The following HMGXB4 variants were observed in gnomAD, a reference collection of about 807,000 sequenced individuals.
HMGXB4 encodes the protein HMG-box containing 4.
Under a neutral mutation model 63.9 loss-of-function variants are expected in HMGXB4, and 27 were observed. The ratio of observed to expected loss-of-function variants is 0.42; its 90% CI spans 0.31 to 0.58. The LOEUF (loss-of-function observed/expected upper bound fraction) is 0.58, where lower values mean the gene tolerates loss of function less well. Ranked by LOEUF, HMGXB4 falls within the 20% of genes least tolerant of loss-of-function variation. The pLI, the probability that HMGXB4 is intolerant of heterozygous loss-of-function variation, is 0.13. For synonymous variants in HMGXB4, 264 were observed against 265.3 expected (o/e 0.99, Z 0.05); for missense variants, 624 against 700.7 (o/e 0.89, Z 1.24).
the HMGXB4 span, among the ~76,000 whole-genome samples, chr22:35,242,292 C>T: frequency 4.0e-5 from 6 of 151,872 alleles, no homozygotes; most frequent in African/African-American, 1.2e-4. Context: ...AGAATTGATC[C>T]ATTTCATCTA....
chr22:35,263,009 G>C lies in HMGXB4; in HGVS notation c.32-69G>C. The C allele has an allele frequency of 2.1e-5, 29 of 1,411,004 alleles. No individual in the cohort carries two copies. In the South Asian group the frequency reaches 3.4e-4, roughly 16 times the overall value. 87.4% of individuals were successfully genotyped at this position (1,411,004 alleles called of 1,614,324 possible). A position where few individuals can be genotyped will look rare whatever the true frequency, so the allele number is the denominator to read the frequency against. On this transcript the variant is annotated intron_variant, in intron 2 of 10. Transcript: ENST00000216106. The stretch of plus-strand genomic sequence containing the variant: ...AAATAGAGGAACTGTTGCATTACCT[G>C]CATGACGATTTGGTCATTACTTACT...
In HMGXB4 at chr22:35,263,471, C is replaced by G. The variant is rs563074939; in HGVS notation, c.180+245C>G. Among the ~76,000 whole-genome samples, 6 of 152,054 alleles carry G rather than the reference C, an allele frequency of 3.9e-5. No homozygotes were observed. The South Asian group carries it at 1.2e-3, about 32-fold the overall frequency. ...GCCAATTTTTGTATTTTATCAGAGA[C>G]AGGGTTTCACCATGTTGGCCAGGCA... On this transcript the variant is annotated intron_variant, in intron 3 of 10. Coordinates refer to ENST00000216106, the MANE Select transcript of HMGXB4 (RefSeq NM_001003681.3).
intron 1 of HMGXB4, among the ~76,000 whole-genome samples, chr22:35,260,448 T>G (rs1012652326): frequency 2.6e-5 from 4 of 152,208 alleles, no homozygotes; most frequent in African/African-American, 9.6e-5. Flanking sequence ...TCAGCACCAC[T>G]TGGGTGGAAA....
chr22:35,294,323 A>G lies in HMGXB4; in HGVS notation c.*672A>G, dbSNP rs1925118601. 1 of 152,504 alleles carries G rather than the reference A, an allele frequency of 6.6e-6. No homozygotes were observed. Among genetic ancestry groups the G allele is most frequent in the Admixed American group, 6.5e-5 (1 of 15,270 alleles). The allele number at this position is 152,504 out of a possible 1,614,324, so 9.4% of individuals were successfully genotyped here. On this transcript the variant is annotated 3_prime_UTR_variant, in exon 11 of 11. Transcript: ENST00000216106. ...GCCAAGGAGTTCTGTGAGCCCTGGC[A>G]GCAAAAAACACCTTGGGGGGTGAAG... is the stretch of plus-strand genomic sequence containing the variant.
chr22:35,282,735 G>A (rs899735050), intron 5 of HMGXB4, among the ~76,000 whole-genome samples: 1 of 152,118 alleles, frequency 6.6e-6, no homozygotes, highest in Admixed American at 6.6e-5. Flanking sequence ...GCCAGGGTCT[G>A]GTATTATTAC....
intron 5 of HMGXB4, among the ~76,000 whole-genome samples, chr22:35,268,825 A>G (rs1333021827): frequency 1.3e-5 from 2 of 152,194 alleles, no homozygotes; most frequent in Non-Finnish European, 2.9e-5. Flanking sequence ...TTTCCCATAC[A>G]TTCTTACCTC....
intron 7 of HMGXB4, chr22:35,286,764 C>G (rs908949782): frequency 1.3e-5 from 2 of 150,888 alleles, no homozygotes; most frequent in African/African-American, 4.9e-5. Context: ...GCAGGAGAAT[C>G]ACTTGAACCC....
Position 35,293,060 on chromosome 22 carries a change from G to A in HMGXB4, c.1707G>A (p.Leu569=). 6.2e-7 allele frequency: 1 copy of A among 1,614,140 alleles called. No individual in the cohort carries two copies. Among genetic ancestry groups the A allele is most frequent in the Non-Finnish European group, 8.5e-7 (1 of 1,180,018 alleles). The part of the protein sequence containing the change: ...LDSIICALGP[L]ACLTTQLPEL... ...CCATTATCTGTGCCCTTGGCCCCTTGGCATGTCTCACCACACAACTACCTG... is the reference window on the plus strand; with the variant it reads ...CCATTATCTGTGCCCTTGGCCCCTTAGCATGTCTCACCACACAACTACCTG... The change falls in exon 10 of 11, where the codon TTG becomes TTA. Residue 569 remains leucine (L), a synonymous_variant. Coordinates refer to ENST00000216106, the MANE Select transcript of HMGXB4 (RefSeq NM_001003681.3).
the HMGXB4 span, among the ~76,000 whole-genome samples, chr22:35,246,064 A>G: frequency 1.3e-5 from 2 of 152,006 alleles, no homozygotes; most frequent in Non-Finnish European, 2.9e-5. Context: ...GCTGGGTGAG[A>G]GTGGGGCCTC....
At chr22:35,293,574 C>T in intron 10 of HMGXB4, 33 bp from the exon 11 acceptor site, 1 of 1,504,882 alleles carries the variant, frequency 6.6e-7, no homozygotes, top group African/African-American at 1.4e-5. Context: ...AGGTACAGTA[C>T]TCTTCAGTTG....
intron 1 of HMGXB4, chr22:35,261,922 A>G (rs1446021678): frequency 6.3e-6 from 1 of 158,404 alleles, no homozygotes; most frequent in East Asian, 1.8e-4. Context: ...GTTTGATGTG[A>G]TCTGTCTTCT....
Position 35,265,579 on chromosome 22 carries a change from CAAA to C in HMGXB4, c.1192_1194del (p.Lys398del), listed in dbSNP as rs762325326. 9 of 1,590,808 alleles carry C rather than the reference CAAA, an allele frequency of 5.7e-6. No homozygotes were observed. Among genetic ancestry groups the C allele is most frequent in the Non-Finnish European group, 7.7e-6 (9 of 1,170,790 alleles). The stretch of plus-strand genomic sequence containing the variant: ...AAAAAAAGAAAAAAGAAGAGAAGGA[CAAA>C]GAGAGAGAGAGAGGAGAAAAGGTAA... On this transcript the variant is annotated inframe_deletion, in exon 5 of 11. Transcript: ENST00000216106.
chr22:35,281,760 G>A (rs1183511043), intron 5 of HMGXB4, among the ~76,000 whole-genome samples: 1 of 152,080 alleles, frequency 6.6e-6, no homozygotes, highest in African/African-American at 2.4e-5. Context: ...CAAATGTCAG[G>A]CATATAGATA....
upstream of HMGXB4, among the ~76,000 whole-genome samples, chr22:35,253,563 C>G (rs1026418002): frequency 6.6e-6 from 1 of 152,172 alleles, no homozygotes; most frequent in African/African-American, 2.4e-5. Flanking sequence ...TCACATGACC[C>G]CATCCCAGCC....
chr22:35,262,293 A>G, intron 1 of HMGXB4, 30 bp from the exon 2 acceptor site: 1 of 1,248,312 alleles, frequency 8.0e-7, no homozygotes, highest in Non-Finnish European at 1.2e-6. Context: ...ATTTCGCATT[A>G]CAGGAGGGTT....
chr22:35,253,635 G>C (rs1265376116), upstream of HMGXB4, among the ~76,000 whole-genome samples: 1 of 152,118 alleles, frequency 6.6e-6, no homozygotes, highest in Non-Finnish European at 1.5e-5. Flanking sequence ...GTGTGTATGT[G>C]TGTTGCTGAT....
chr22:35,290,455 C>T (rs1156969153), intron 9 of HMGXB4, among the ~76,000 whole-genome samples: 4 of 152,104 alleles, frequency 2.6e-5, no homozygotes, highest in African/African-American at 9.6e-5. Flanking sequence ...ACCATCCTGG[C>T]AAACGTGGTG....
chr22:35,284,782 A>G (rs565253423), intron 6 of HMGXB4, among the ~76,000 whole-genome samples: 1 of 152,356 alleles, frequency 6.6e-6, no homozygotes, highest in East Asian at 1.9e-4. Flanking sequence ...TTAGAAGTTA[A>G]TGAGGTAAGA....
intron 5 of HMGXB4, among the ~76,000 whole-genome samples, chr22:35,266,918 A>C (rs1027816261): frequency 3.3e-5 from 5 of 152,160 alleles, no homozygotes; most frequent in African/African-American, 1.2e-4. Context: ...CAAGAGGTGG[A>C]GGCTACAGTG....
Sources: allele counts gnomAD v4.1 joint callset (sites outside exome capture counted in the v4.1 genomes callset), GRCh38; gene constraint gnomAD v4.1.1; transcripts MANE v1.5; gene names NCBI Gene and HGNC (gene_info 2026-07-23, HGNC 2026-07-21).